Variants in ACOXL observed in about 807,000 individuals in gnomAD.
ACOXL encodes the protein acyl-coenzyme A oxidase-like protein.
In ACOXL, 70 loss-of-function variants were observed where a neutral mutation model predicts 71.9. The ratio of observed to expected loss-of-function variants is 0.97; its 90% CI spans 0.80 to 1.19. The LOEUF (loss-of-function observed/expected upper bound fraction) is 1.19, where lower values mean the gene tolerates loss of function less well. ACOXL is among the 50% of genes most tolerant of loss of function. The pLI, the probability that ACOXL is intolerant of heterozygous loss-of-function variation, is 0.00. For synonymous variants in ACOXL, 253 were observed against 281.6 expected, an observed-to-expected ratio of 0.90 and a Z score of 1.02; for missense variants, 703 against 736.3, an observed-to-expected ratio of 0.95 and a Z score of 0.52.
intron 14 of ACOXL, among the ~76,000 whole-genome samples, chr2:110,997,221 G>C (rs2063437607): frequency 6.6e-6 from 1 of 152,222 alleles, no homozygotes; most frequent in Non-Finnish European, 1.5e-5. Context: ...CAGAAGCAGA[G>C]TGAAATGATA....
intron 5 of ACOXL, among the ~76,000 whole-genome samples, chr2:110,794,940 C>A (rs1685106361): frequency 6.6e-6 from 1 of 151,388 alleles, no homozygotes; most frequent in African/African-American, 2.4e-5. Flanking sequence ...CCTACACGCA[C>A]CCCGCCCCCG....
intron 9 of ACOXL, among the ~76,000 whole-genome samples, chr2:110,834,087 G>A (rs1401003246): frequency 2.6e-5 from 4 of 152,038 alleles, no homozygotes; most frequent in Admixed American, 6.5e-5. Context: ...CCATGTTTGC[G>A]GGTGTCACAT....
chr2:111,060,756 G>A (rs1016222811), intron 16 of ACOXL, among the ~76,000 whole-genome samples: 6 of 152,302 alleles, frequency 3.9e-5, no homozygotes, highest in Middle Eastern at 3.4e-3. Context: ...ATGAGTAATA[G>A]TGAACATACT....
At chr2:110,801,232 G>A (rs186148835) in intron 7 of ACOXL, among the ~76,000 whole-genome samples, 12 of 152,290 alleles carry the variant, frequency 7.9e-5, no homozygotes, top group Admixed American at 6.5e-4. Flanking sequence ...GAGAGCACTG[G>A]GAAGGAGGAG....
intron 1 of ACOXL, among the ~76,000 whole-genome samples, chr2:110,766,158 T>G (rs1331422671): frequency 6.6e-6 from 1 of 152,212 alleles, no homozygotes; most frequent in African/African-American, 2.4e-5. Flanking sequence ...ATCTGTTGAT[T>G]TCTTTATCAT....
At chr2:111,083,122 T>C (rs2068014090) in intron 16 of ACOXL, among the ~76,000 whole-genome samples, 1 of 152,116 alleles carries the variant, frequency 6.6e-6, no homozygotes, top group Non-Finnish European at 1.5e-5. Flanking sequence ...CCATGGCACG[T>C]GTATAGCTAT....
At chr2:110,837,507 G>A (rs983015083) in intron 9 of ACOXL, among the ~76,000 whole-genome samples, 1 of 152,010 alleles carries the variant, frequency 6.6e-6, no homozygotes, top group African/African-American at 2.4e-5. Flanking sequence ...AAATCTACGT[G>A]GTGCTTTATA....
At chr2:111,056,093 T>C (rs998164079) in intron 16 of ACOXL, among the ~76,000 whole-genome samples, 1 of 152,210 alleles carries the variant, frequency 6.6e-6, no homozygotes, top group Admixed American at 6.5e-5. Flanking sequence ...GGAAAAGATT[T>C]GGAGGCTAAG....
At chr2:110,815,235 G>A (rs1490314852) in intron 9 of ACOXL, among the ~76,000 whole-genome samples, 3 of 152,270 alleles carry the variant, frequency 2.0e-5, no homozygotes, top group Non-Finnish European at 4.4e-5. Context: ...AACTGCCCCC[G>A]TGATTCAATT....
chr2:111,115,783 A>G (rs950152185), intron 17 of ACOXL, among the ~76,000 whole-genome samples: 4 of 152,226 alleles, frequency 2.6e-5, no homozygotes, highest in African/African-American at 4.8e-5. Flanking sequence ...ACTCCTCTTC[A>G]CAGCCAGTTC....
At chr2:110,900,363 T>C (rs2059187486) in intron 10 of ACOXL, among the ~76,000 whole-genome samples, 1 of 152,130 alleles carries the variant, frequency 6.6e-6, no homozygotes, top group South Asian at 2.1e-4. Context: ...TCGCAGGTAA[T>C]TTTAGAGACT....
At chr2:110,886,304 A>G (rs1697278744) in intron 10 of ACOXL, among the ~76,000 whole-genome samples, 1 of 151,912 alleles carries the variant, frequency 6.6e-6, no homozygotes, top group Non-Finnish European at 1.5e-5. Context: ...GCCACATTGC[A>G]CAGGCATTTT....
chr2:111,030,818 C>T (rs936236721), intron 14 of ACOXL, among the ~76,000 whole-genome samples: 6 of 152,050 alleles, frequency 3.9e-5, no homozygotes, highest in Non-Finnish European at 7.4e-5. Context: ...AAAAGTTTTA[C>T]GGGCCACATT....
At chr2:110,840,445 G>C (rs1426479732) in intron 9 of ACOXL, among the ~76,000 whole-genome samples, 1 of 152,152 alleles carries the variant, frequency 6.6e-6, no homozygotes, top group Admixed American at 6.5e-5. Flanking sequence ...TACACACACA[G>C]AGATAAGAAC....
intron 12 of ACOXL, among the ~76,000 whole-genome samples, chr2:110,974,370 C>G (rs750996926): frequency 1.8e-4 from 28 of 152,198 alleles, no homozygotes; most frequent in Non-Finnish European, 1.8e-4. Flanking sequence ...GCAGGCTTTA[C>G]ATGTTTCCCT....
chr2:110,932,353 T>A (rs1371041219), intron 11 of ACOXL, among the ~76,000 whole-genome samples: 19 of 152,202 alleles, frequency 1.2e-4, no homozygotes, highest in Admixed American at 1.2e-3. Flanking sequence ...TTGTCAAAAC[T>A]CTTCAAGTGG....
At chr2:111,063,383 T>C (rs1052358645) in intron 16 of ACOXL, among the ~76,000 whole-genome samples, 5 of 152,144 alleles carry the variant, frequency 3.3e-5, no homozygotes, top group Admixed American at 6.5e-5. Context: ...TAACAAAATA[T>C]TAATGGGTAG....
chr2:111,092,606 G>A (rs1362131372), intron 16 of ACOXL, among the ~76,000 whole-genome samples: 1 of 152,096 alleles, frequency 6.6e-6, no homozygotes, highest in Non-Finnish European at 1.5e-5. Context: ...AATTTCTTGA[G>A]TTTTGGGGAA....
intron 10 of ACOXL, among the ~76,000 whole-genome samples, chr2:110,866,295 A>G (rs529233999): frequency 6.6e-6 from 1 of 152,252 alleles, no homozygotes; most frequent in Admixed American, 6.5e-5. Context: ...GATCTGGGGC[A>G]GTGGTGTTGG....
Sources: gnomAD v4.1 joint callset for allele counts (sites outside exome capture counted in the v4.1 genomes callset) on GRCh38, gnomAD v4.1.1 for gene constraint, MANE v1.5 for transcripts, NCBI Gene and HGNC (gene_info 2026-07-23, HGNC 2026-07-21) for gene names.